The following LY96 variants were observed in gnomAD, a reference collection of about 807,000 sequenced individuals.
LY96 encodes the protein myeloid differentiation protein-2.
A neutral mutation model predicts 18.9 loss-of-function variants in LY96; 18 were observed. That is an observed-to-expected ratio of 0.95 (90% confidence interval 0.66 to 1.41). The LOEUF (loss-of-function observed/expected upper bound fraction) is 1.41. LY96 is among the 40% of genes most tolerant of loss of function. LY96 has a pLI of 0.00. For missense variants in LY96, 175 were observed against 182.4 expected (o/e 0.96, Z 0.23); for synonymous variants, 66 against 62.6 (o/e 1.06, Z -0.26).
At chr8:74,097,997 G>C in the LY96 span, among the ~76,000 whole-genome samples, 12 of 152,180 alleles carry the variant, frequency 7.9e-5, no homozygotes, top group African/African-American at 2.7e-4. Context: ...TTTTAGAGCA[G>C]GTATGGTTTT....
intron 3 of LY96, among the ~76,000 whole-genome samples, chr8:74,026,468 AG>A (rs199501702): frequency 0.024 from 3,583 of 152,330 alleles, 134 homozygotes; most frequent in African/African-American, 0.08. Context: ...TCTGAAAACT[AG>A]TTTGCAATGC....
the LY96 span, among the ~76,000 whole-genome samples, chr8:74,069,569 C>A: frequency 3.3e-5 from 5 of 151,220 alleles, no homozygotes; most frequent in Admixed American, 6.6e-5. Flanking sequence ...TAATCAGCAG[C>A]CAATCAATTT....
chr8:74,055,098 G>T, the LY96 span, among the ~76,000 whole-genome samples: 1 of 151,954 alleles, frequency 6.6e-6, no homozygotes, highest in East Asian at 1.9e-4. Flanking sequence ...TCTAGAGATA[G>T]AGTTTTGCCA....
intron 2 of LY96, 84 bp from the exon 3 acceptor site, chr8:74,009,917 C>A: frequency 1.0e-6 from 1 of 955,372 alleles, no homozygotes; most frequent in Non-Finnish European, 1.7e-6. Context: ...GCACAGGGCC[C>A]CTTTTAACTA....
the LY96 span, among the ~76,000 whole-genome samples, chr8:74,059,366 TAAC>T: frequency 6.6e-6 from 1 of 152,194 alleles, no homozygotes; most frequent in Admixed American, 6.5e-5. Context: ...GTGTGGAACT[TAAC>T]AAACAGATTC....
intron 1 of LY96, among the ~76,000 whole-genome samples, chr8:74,002,060 TTCCTTCCTTC>T (rs1816296677): frequency 2.4e-5 from 1 of 42,108 alleles, no homozygotes; most frequent in East Asian, 5.8e-4. Flanking sequence ...CCTTCCTTCC[TTCCTTCCTTC>T]CTTCCTTTCT....
At chr8:74,002,062 C>T (rs187394113) in intron 1 of LY96, among the ~76,000 whole-genome samples, 4,744 of 29,004 alleles carry the variant, frequency 0.16, 882 homozygotes, top group African/African-American at 0.37. Flanking sequence ...TTCCTTCCTT[C>T]CTTCCTTCCT....
chr8:74,044,646 C>G, the LY96 span, among the ~76,000 whole-genome samples: 2 of 152,100 alleles, frequency 1.3e-5, no homozygotes, highest in African/African-American at 4.8e-5. Context: ...GGTGAGGGAC[C>G]TTTGGAAGCT....
the LY96 span, among the ~76,000 whole-genome samples, chr8:74,066,019 G>A: frequency 0.032 from 4,830 of 152,260 alleles, 140 homozygotes; most frequent in Non-Finnish European, 0.041. Flanking sequence ...TTGTATGTGA[G>A]GGAAGGGTAC....
At chr8:74,047,523 C>T in the LY96 span, among the ~76,000 whole-genome samples, 2 of 152,100 alleles carry the variant, frequency 1.3e-5, no homozygotes, top group Admixed American at 6.6e-5. Context: ...GCATCATGCC[C>T]AGTAATATAA....
the LY96 span, among the ~76,000 whole-genome samples, chr8:74,093,922 A>G: frequency 1.5e-4 from 23 of 152,280 alleles, no homozygotes; most frequent in Non-Finnish European, 3.1e-4. Flanking sequence ...TTTCTGCTCT[A>G]TGTTGAAATC....
intron 2 of LY96, among the ~76,000 whole-genome samples, chr8:74,006,478 G>C (rs1189126224): frequency 6.6e-6 from 1 of 152,146 alleles, no homozygotes; most frequent in African/African-American, 2.4e-5. Context: ...GATTACAGGC[G>C]CGAGCCACCG....
the LY96 span, among the ~76,000 whole-genome samples, chr8:74,083,698 T>C: frequency 6.6e-6 from 1 of 152,144 alleles, no homozygotes; most frequent in African/African-American, 2.4e-5. Context: ...AATCTTTTCT[T>C]TCTTTTTTTT....
chr8:74,076,679 A>T, the LY96 span, among the ~76,000 whole-genome samples: 2 of 152,032 alleles, frequency 1.3e-5, no homozygotes, highest in African/African-American at 4.8e-5. Context: ...GTATCCAATG[A>T]TAGTAGGGGA....
chr8:74,062,711 A>T, the LY96 span, among the ~76,000 whole-genome samples: 1 of 152,176 alleles, frequency 6.6e-6, no homozygotes, highest in African/African-American at 2.4e-5. Context: ...AATCTGTATC[A>T]ATTCAATCCT....
chr8:74,018,347 G>C (rs1460063858), intron 3 of LY96, among the ~76,000 whole-genome samples: 1 of 152,154 alleles, frequency 6.6e-6, no homozygotes, highest in South Asian at 2.1e-4. Flanking sequence ...TAAAGGTAAA[G>C]GGATCAATTC....
the LY96 span, among the ~76,000 whole-genome samples, chr8:74,055,000 C>T: frequency 6.6e-6 from 1 of 151,998 alleles, no homozygotes; most frequent in African/African-American, 2.4e-5. Context: ...TTGACCTTCC[C>T]AGGCTCAGGT....
the LY96 span, among the ~76,000 whole-genome samples, chr8:74,095,407 C>A: frequency 6.6e-6 from 1 of 152,140 alleles, no homozygotes; most frequent in Non-Finnish European, 1.5e-5. Flanking sequence ...TTCCTCCATC[C>A]CTCCCTATAG....
At chr8:74,063,041 C>G in the LY96 span, among the ~76,000 whole-genome samples, 1 of 152,294 alleles carries the variant, frequency 6.6e-6, no homozygotes, top group Non-Finnish European at 1.5e-5. Flanking sequence ...ATCAAGATCT[C>G]TCATAAAAAT....
Sources: allele counts gnomAD v4.1 joint callset (sites outside exome capture counted in the v4.1 genomes callset), GRCh38; gene constraint gnomAD v4.1.1; transcripts MANE v1.5; gene names NCBI Gene and HGNC (gene_info 2026-07-23, HGNC 2026-07-21).